Variants in IL1RAPL1 observed in about 807,000 individuals in gnomAD.
IL1RAPL1 encodes the protein interleukin-1 receptor accessory protein-like 1.
IL1RAPL1 carries 3 observed loss-of-function variants against 48.4 expected under a neutral mutation model. That is an observed-to-expected ratio of 0.06 (90% CI 0.03 to 0.16). The LOEUF is 0.16. Among genes scored for constraint, IL1RAPL1 ranks in the 10% least tolerant of loss-of-function variants. The probability of loss-of-function intolerance (pLI) is 1.00; values close to 1 mark genes in which losing one functional copy is unlikely to be tolerated. For missense variants in IL1RAPL1, 349 were observed against 530.6 expected (o/e 0.66, Z 3.36); for synonymous variants, 185 against 187.7 (o/e 0.99, Z 0.12).
At position 28,796,319 on chromosome X, in the gene IL1RAPL1, C is replaced by T. The variant is rs181384649; in HGVS notation, c.82+6894C>T. On this transcript the variant is annotated intron_variant, in intron 2 of 10. Coordinates refer to ENST00000378993, the MANE Select transcript of IL1RAPL1 (RefSeq NM_014271.4). The stretch of plus-strand genomic sequence containing the variant: ...CAGTCATGCCATCACAACAGTCCCC[C>T]AAAGTCTTCACTCATTTCAGCATTA... Among the ~76,000 whole-genome samples the T allele has an allele frequency of 2.7e-5, 3 of 111,646 alleles. No homozygotes were observed. The East Asian group carries it at 8.5e-4, about 32-fold the overall frequency.
At chrX:29,892,505 T>C (rs1488802202) in intron 6 of IL1RAPL1, among the ~76,000 whole-genome samples, 1 of 112,633 alleles carries the variant, frequency 8.9e-6, no homozygotes, top group Non-Finnish European at 1.9e-5. Flanking sequence ...AGATAAACTA[T>C]AGGTATAATA....
In IL1RAPL1 at chrX:29,803,465, A is replaced by G. The variant is rs146632687; in HGVS notation, c.779-113999A>G. ...TATGTATATATGTGTGTATATATGT[A>G]TATATGTATACATATATGTATACAT... is the stretch of plus-strand genomic sequence containing the variant. On this transcript the variant is annotated intron_variant, in intron 6 of 10. Transcript: ENST00000378993. Among the ~76,000 whole-genome samples the G allele has an allele frequency of 9.3e-3, 907 of 97,893 alleles. 11 individuals are homozygous for G. Among genetic ancestry groups the G allele is most frequent in the African/African-American group, 0.032 (862 of 27,209 alleles). 85.0% of individuals were successfully genotyped at this position (97,893 alleles called of 115,157 possible).
chrX:28,886,521 T>A (rs376831650), intron 2 of IL1RAPL1, among the ~76,000 whole-genome samples: 4 of 104,132 alleles, frequency 3.8e-5, no homozygotes, highest in African/African-American at 1.4e-4. Flanking sequence ...ATTGTTGTTT[T>A]AAAAAAAAAA....
chrX:29,941,793 A>T lies in IL1RAPL1; in HGVS notation c.1200A>T (p.Gly400=). The change falls in exon 9 of 11, where the codon GGA becomes GGT. Residue 400 remains glycine (G), a splice_region_variant and synonymous_variant. Transcript: ENST00000378993. ...RNHFGAEELD[G]DNKDYDAYLS... ...ATTTTGGAGCTGAAGAGCTCGATGG[A>T]GGTAGGATGTTACCTCTTTTATTGT... 1 of 1,204,670 alleles carries T rather than the reference A, an allele frequency of 8.3e-7. No individual in the cohort carries two copies. The highest frequency in any genetic ancestry group is 1.1e-6 in the Non-Finnish European group (1 of 889,296).
chrX:28,595,052 G>T (rs1449717558), intron 1 of IL1RAPL1, among the ~76,000 whole-genome samples: 1 of 111,682 alleles, frequency 9.0e-6, no homozygotes, highest in African/African-American at 3.3e-5. Flanking sequence ...TCCACTAAGG[G>T]GTCCTATCAA....
chrX:29,555,865 A>C (rs1197677089), intron 5 of IL1RAPL1, among the ~76,000 whole-genome samples: 2 of 112,130 alleles, frequency 1.8e-5, no homozygotes, highest in African/African-American at 6.5e-5. Context: ...GGGGAAACAA[A>C]ATTAACTTGG....
intron 5 of IL1RAPL1, among the ~76,000 whole-genome samples, chrX:29,587,376 G>A (rs1923208792): frequency 9.3e-6 from 1 of 108,059 alleles, no homozygotes; most frequent in South Asian, 4.2e-4. Context: ...TGAGGTTGTG[G>A]GCGGGGGGTT....
At chrX:29,600,579 C>G (rs988609237) in intron 5 of IL1RAPL1, among the ~76,000 whole-genome samples, 1 of 111,476 alleles carries the variant, frequency 9.0e-6, no homozygotes, top group Non-Finnish European at 1.9e-5. Context: ...CCTGGAGACA[C>G]GTGGTTAAGT....
intron 2 of IL1RAPL1, among the ~76,000 whole-genome samples, chrX:28,937,181 C>T (rs1212117652): frequency 9.0e-6 from 1 of 111,555 alleles, no homozygotes; most frequent in Non-Finnish European, 1.9e-5. Context: ...CAATAAATAA[C>T]ATTTGGCCTT....
chrX:29,485,766 G>C (rs1935088600), intron 5 of IL1RAPL1, among the ~76,000 whole-genome samples: 1 of 111,372 alleles, frequency 9.0e-6, no homozygotes, highest in Non-Finnish European at 1.9e-5. Context: ...TTGTGAATTA[G>C]AGCAAGTTTC....
intron 2 of IL1RAPL1, among the ~76,000 whole-genome samples, chrX:29,135,842 C>T (rs1297268320): frequency 9.0e-6 from 1 of 111,634 alleles, no homozygotes; most frequent in Non-Finnish European, 1.9e-5. Flanking sequence ...TCAAGCGATC[C>T]TCCTGCCTCA....
chrX:29,512,488 C>G (rs1935403704), intron 5 of IL1RAPL1, among the ~76,000 whole-genome samples: 1 of 108,458 alleles, frequency 9.2e-6, no homozygotes, highest in Non-Finnish European at 1.9e-5. Flanking sequence ...TCAGTACTTT[C>G]TAATTTTCTA....
chrX:29,040,957 ATAT>A (rs1430363382), intron 2 of IL1RAPL1, among the ~76,000 whole-genome samples: 1 of 112,297 alleles, frequency 8.9e-6, no homozygotes, highest in Non-Finnish European at 1.9e-5. Context: ...TTCTTCTAAT[ATAT>A]TATATTTGGT....
In IL1RAPL1 at chrX:29,350,280, C is replaced by T. The variant is rs377266869; in HGVS notation, c.363-45978C>T. On this transcript the variant is annotated intron_variant, in intron 3 of 10. Transcript: ENST00000378993. ...CCCCCCCCCACCTGGCTCATAGACA[C>T]ACTGCCACCAATGCCTGTTAATCAT... Among the ~76,000 whole-genome samples, 6 of 88,065 alleles carry T rather than the reference C, an allele frequency of 6.8e-5. No individual in the cohort carries two copies. In the East Asian group the frequency reaches 1.5e-3, roughly 22 times the overall value. The allele number at this position is 88,065 out of a possible 115,157, so 76.5% of individuals were successfully genotyped here. A position where few individuals can be genotyped will look rare whatever the true frequency, so the allele number is the denominator to read the frequency against.
At position 29,782,887 on chromosome X, in the gene IL1RAPL1, C is replaced by CTT. The variant is rs1569167260; in HGVS notation, c.778+114383_778+114384insTT. Reference sequence around the variant, plus strand: ...GGAAGATAAAATGGGTTGATCGTGACATTTTTTTTTTTTTTTTTTTTTTTT... The same window carrying CTT: ...GGAAGATAAAATGGGTTGATCGTGACTTATTTTTTTTTTTTTTTTTTTTTTTT... On this transcript the variant is annotated intron_variant, in intron 6 of 10. Coordinates refer to ENST00000378993, the MANE Select transcript of IL1RAPL1 (RefSeq NM_014271.4). Among the ~76,000 whole-genome samples the CTT allele has an allele frequency of 1.3e-3, 78 of 59,847 alleles. 4 individuals are homozygous for CTT. The highest frequency in any genetic ancestry group is 4.4e-3 in the African/African-American group (68 of 15,463). 52.0% of individuals were successfully genotyped at this position (59,847 alleles called of 115,157 possible).
At chrX:29,845,266 A>G (rs945268614) in intron 6 of IL1RAPL1, among the ~76,000 whole-genome samples, 15 of 111,584 alleles carry the variant, frequency 1.3e-4, no homozygotes, top group African/African-American at 4.9e-4. Flanking sequence ...AGAAGACACA[A>G]TAAGTGGGAG....
At chrX:28,624,536 C>T (rs752682508) in intron 1 of IL1RAPL1, among the ~76,000 whole-genome samples, 3 of 111,731 alleles carry the variant, frequency 2.7e-5, no homozygotes, top group Non-Finnish European at 5.6e-5. Context: ...CTGTTGGTCA[C>T]GGCCTTTTCT....
chrX:29,418,122 TA>T (rs1426570237), intron 5 of IL1RAPL1, among the ~76,000 whole-genome samples: 6,357 of 30,687 alleles, frequency 0.21, 878 homozygotes, highest in East Asian at 0.25. Context: ...TATATATATA[TA>T]TATTTTTTTT....
intron 2 of IL1RAPL1, among the ~76,000 whole-genome samples, chrX:29,105,729 C>T (rs1004802433): frequency 1.8e-5 from 2 of 111,323 alleles, no homozygotes; most frequent in Non-Finnish European, 3.8e-5. Context: ...GAAATTCTTG[C>T]CTGCTCTCTT....
Sources: gnomAD v4.1 joint callset for allele counts (sites outside exome capture counted in the v4.1 genomes callset) on GRCh38, gnomAD v4.1.1 for gene constraint, MANE v1.5 for transcripts, NCBI Gene and HGNC (gene_info 2026-07-23, HGNC 2026-07-21) for gene names.